ST3GAL3: variants seen among roughly 807,000 people sequenced by gnomAD.
ST3GAL3 encodes CMP-N-acetylneuraminate-beta-1,4-galactoside alpha-2,3-sialyltransferase.
Under a neutral mutation model 50.1 loss-of-function variants are expected in ST3GAL3, and 21 were observed. That is an observed-to-expected ratio of 0.42 (90% CI 0.30 to 0.60). ST3GAL3 has a LOEUF of 0.60. ST3GAL3 is among the 20% of genes least tolerant of loss of function. ST3GAL3 has a pLI of 0.19. For synonymous variants in ST3GAL3, 183 were observed against 190.0 expected (o/e 0.96, Z 0.30); for missense variants, 353 against 489.4 (o/e 0.72, Z 2.63).
At chr1:43,830,169 A>G (rs1009815522) in intron 4 of ST3GAL3, among the ~76,000 whole-genome samples, 1 of 151,660 alleles carries the variant, frequency 6.6e-6, no homozygotes, top group Non-Finnish European at 1.5e-5. Context: ...AGGAGCTGGG[A>G]CTGTAGGCAC....
At chr1:43,784,577 A>G (rs1017792348) in intron 2 of ST3GAL3, among the ~76,000 whole-genome samples, 3 of 152,212 alleles carry the variant, frequency 2.0e-5, no homozygotes, top group East Asian at 1.9e-4. Context: ...TAATATCGTT[A>G]TTTGAATCTC....
At chr1:43,855,372 G>A (rs4660753) in intron 5 of ST3GAL3, among the ~76,000 whole-genome samples, 84,929 of 152,058 alleles carry the variant, frequency 0.56, 27,638 homozygotes, top group Non-Finnish European at 0.74. Flanking sequence ...CACTTTGGCC[G>A]GCCAAGGCGG....
At chr1:43,801,325 G>GA in intron 3 of ST3GAL3, 1 of 456,198 alleles carries the variant, frequency 2.2e-6, no homozygotes, top group Non-Finnish European at 4.4e-6. Flanking sequence ...TCATTACAAT[G>GA]AAAAAAGGAA....
intron 2 of ST3GAL3, among the ~76,000 whole-genome samples, chr1:43,782,254 C>T (rs1270535439): frequency 6.6e-6 from 1 of 152,182 alleles, no homozygotes; most frequent in African/African-American, 2.4e-5. Context: ...CACATCCGAT[C>T]AGTTTCCCAA....
At chr1:43,771,979 G>A (rs1695417381) in intron 2 of ST3GAL3, 2 of 398,446 alleles carry the variant, frequency 5.0e-6, no homozygotes, top group Non-Finnish European at 8.8e-6. Flanking sequence ...AAATAAGGGG[G>A]AATATGAGAA....
intron 11 of ST3GAL3, among the ~76,000 whole-genome samples, chr1:43,926,372 T>G (rs959934780): frequency 4.6e-5 from 7 of 152,310 alleles, no homozygotes; most frequent in Middle Eastern, 6.8e-3. Context: ...ATGGATCATC[T>G]GAGGTCGGGA....
At chr1:43,788,522 G>A (rs889807659) in intron 2 of ST3GAL3, among the ~76,000 whole-genome samples, 4 of 152,126 alleles carry the variant, frequency 2.6e-5, no homozygotes, top group African/African-American at 9.7e-5. Context: ...GGCCAGGTTT[G>A]GACCCCTGAA....
intron 5 of ST3GAL3, among the ~76,000 whole-genome samples, chr1:43,855,396 C>T (rs370828377): frequency 2.2e-4 from 34 of 152,192 alleles, no homozygotes; most frequent in African/African-American, 5.1e-4. Flanking sequence ...GATCACCTGA[C>T]GTCAAGAGTT....
At chr1:43,917,628 A>G (rs1306448299) in intron 9 of ST3GAL3, among the ~76,000 whole-genome samples, 1 of 64,250 alleles carries the variant, frequency 1.6e-5, no homozygotes, top group Non-Finnish European at 2.7e-5. Flanking sequence ...TATATTATAT[A>G]TAATATATAA....
intron 1 of ST3GAL3, among the ~76,000 whole-genome samples, chr1:43,735,536 A>G (rs779906504): frequency 6.6e-6 from 1 of 152,168 alleles, no homozygotes; most frequent in Non-Finnish European, 1.5e-5. Flanking sequence ...CCTTGTCCCT[A>G]CAGCTGCACG....
At chr1:43,919,142 A>G (rs1156387204) in intron 9 of ST3GAL3, 1 of 121,264 alleles carries the variant, frequency 8.2e-6, no homozygotes, top group African/African-American at 3.0e-5. Flanking sequence ...CAGTGGTGCA[A>G]TGTCGGCTCA....
rs1305216846 is a variant in ST3GAL3 at position 43,778,770 on chromosome 1, C to G, written c.119-13332C>G. On this transcript the variant is annotated intron_variant, in intron 2 of 11. Coordinates refer to ENST00000347631, the MANE Select transcript of ST3GAL3 (RefSeq NM_006279.5). ...ACGCCATTCTCCTGCCTCAGCCTCC[C>G]GAGTAGCTGGGACTACAGGCACCCG... Among the ~76,000 whole-genome samples the G allele has an allele frequency of 7.4e-5, 11 of 149,260 alleles. No homozygotes were observed. In the South Asian group the frequency reaches 2.3e-3, roughly 32 times the overall value.
rs778727927 is a variant in ST3GAL3, at chr1:43,858,418, A to G, written c.302+20107A>G. On this transcript the variant is annotated intron_variant, in intron 5 of 11. Transcript: ENST00000347631. ...AGGAACTGTAGGGATGCTTAGAAGC[A>G]CAGTCCCTGGTGAGAGCAGGCAGGC... is the stretch of plus-strand genomic sequence containing the variant. The G allele has an allele frequency of 1.8e-4, 180 of 989,914 alleles. 2 individuals carry two copies. The highest frequency in any genetic ancestry group is 2.3e-4 in the Non-Finnish European group (174 of 762,156). 61.3% of individuals were successfully genotyped at this position (989,914 alleles called of 1,614,324 possible).
At chr1:43,808,727 A>C (rs1309391069) in intron 3 of ST3GAL3, among the ~76,000 whole-genome samples, 4 of 152,126 alleles carry the variant, frequency 2.6e-5, no homozygotes, top group Non-Finnish European at 5.9e-5. Context: ...ACAGAGAGAG[A>C]GCTCAGGGGA....
chr1:43,867,606 A>G (rs530094775), intron 5 of ST3GAL3, among the ~76,000 whole-genome samples: 19 of 61,812 alleles, frequency 3.1e-4, no homozygotes, highest in African/African-American at 9.7e-4. Context: ...CTGGGTCCCA[A>G]ATTGGCAGCT....
intron 9 of ST3GAL3, among the ~76,000 whole-genome samples, chr1:43,905,668 G>A (rs1250877095): frequency 2.0e-4 from 3 of 15,300 alleles, no homozygotes; most frequent in African/African-American, 5.2e-4. Context: ...TTCTCTTCCC[G>A]CCACTGTTTC....
At position 43,758,486 on chromosome 1, in the gene ST3GAL3, C is replaced by A. The variant is rs539911743; in HGVS notation, c.118+22106C>A. 4.3e-4 allele frequency among the ~76,000 whole-genome samples: 65 copies of A among 152,150 alleles called. 1 individual carries two copies. The South Asian group carries it at 0.013, about 30-fold the overall frequency. ...CAGGCTGGTCTTGAACTCCTGGCCTCAAGTGATTCTCCTTCCTTGCCTCCC... is the reference window on the plus strand; with the variant it reads ...CAGGCTGGTCTTGAACTCCTGGCCTAAAGTGATTCTCCTTCCTTGCCTCCC... On this transcript the variant is annotated intron_variant, in intron 2 of 11. Transcript: ENST00000347631.
intron 2 of ST3GAL3, among the ~76,000 whole-genome samples, chr1:43,764,070 A>C (rs565095891): frequency 6.6e-6 from 1 of 152,332 alleles, no homozygotes; most frequent in Non-Finnish European, 1.5e-5. Context: ...AACACTCAGA[A>C]AGTAACTGCT....
At chr1:43,851,542 C>A in intron 5 of ST3GAL3, 1 of 1,589,942 alleles carries the variant, frequency 6.3e-7, no homozygotes. Context: ...AAGCAAGAGC[C>A]TAGGGCCTCC....
Sources: gnomAD v4.1 joint callset for allele counts (sites outside exome capture counted in the v4.1 genomes callset) on GRCh38, gnomAD v4.1.1 for gene constraint, MANE v1.5 for transcripts, NCBI Gene and HGNC (gene_info 2026-07-23, HGNC 2026-07-21) for gene names.